Variants in WAC observed in about 807,000 individuals in gnomAD.
The protein encoded by WAC is WW domain-containing adapter protein with coiled-coil.
Under a neutral mutation model 79.6 loss-of-function variants are expected in WAC, and 11 were observed. The observed-to-expected ratio is 0.14, with a 90% CI of 0.09 to 0.23. The LOEUF is 0.23. Among genes scored for constraint, WAC ranks in the 10% least tolerant of loss-of-function variants. The pLI is 1.00. For synonymous variants in WAC, 304 were observed against 276.9 expected (o/e 1.10, Z -0.97); for missense variants, 728 against 773.5 (o/e 0.94, Z 0.70).
chr10:28,608,548 CT>C, intron 8 of WAC, 117 bp downstream of exon 8: 35 of 1,158,682 alleles, frequency 3.0e-5, no homozygotes, highest in Non-Finnish European at 3.8e-5. Flanking sequence ...TAGTTGAACA[CT>C]TTTTTTTGTT....
At chr10:28,602,573 G>A (rs1840695860) in intron 7 of WAC, among the ~76,000 whole-genome samples, 1 of 152,110 alleles carries the variant, frequency 6.6e-6, no homozygotes, top group Non-Finnish European at 1.5e-5. Context: ...GTCCTGCTCA[G>A]TATTACAGCA....
intron 6 of WAC, among the ~76,000 whole-genome samples, chr10:28,594,528 G>A (rs1840255165): frequency 6.6e-6 from 1 of 152,142 alleles, no homozygotes; most frequent in Non-Finnish European, 1.5e-5. Flanking sequence ...TATGTAGTAA[G>A]TCATTGTCAG....
rs1283126329 is a variant in WAC, at chr10:28,533,485, TGCCCGCC to T, written c.-84_-78del. On this transcript the variant is annotated 5_prime_UTR_variant, in exon 1 of 14. Coordinates refer to ENST00000354911, the MANE Select transcript of WAC (RefSeq NM_016628.5). ...GCGCGCCGGGCCCAGGTGCCGGGGC[TGCCCGCC>T]GCCCGCCGCCGCCGCCGCCTGCGCG... 6.5e-6 allele frequency: 5 copies of T among 768,480 alleles called. No homozygotes were observed. Among genetic ancestry groups the T allele is most frequent in the Middle Eastern group, 5.1e-4 (1 of 1,968 alleles). The allele number at this position is 768,480 out of a possible 1,614,324, so 47.6% of individuals were successfully genotyped here.
intron 3 of WAC, among the ~76,000 whole-genome samples, chr10:28,558,692 G>A (rs991740782): frequency 2.0e-5 from 3 of 152,158 alleles, no homozygotes; most frequent in African/African-American, 7.2e-5. Flanking sequence ...ATGAAAGCAA[G>A]TAAAATAATA....
chr10:28,588,574 GTTAAAA>G (rs1240256491), intron 4 of WAC, among the ~76,000 whole-genome samples: 3 of 152,106 alleles, frequency 2.0e-5, no homozygotes, highest in Non-Finnish European at 1.5e-5. Context: ...TTTCCTAGTT[GTTAAAA>G]TTAAAGCTGG....
At position 28,590,182 on chromosome 10, in the gene WAC, A is replaced by G. The variant is rs115360645; in HGVS notation, c.497+331A>G. On this transcript the variant is annotated intron_variant, in intron 5 of 13. Transcript: ENST00000354911. ...CAAAAAGTTAGCTGTGAGTGGTAGC[A>G]TGCACTTGTAGTCCTAGCTACTAAG... Among the ~76,000 whole-genome samples, 1,013 of 152,146 alleles carry G rather than the reference A, an allele frequency of 6.7e-3. 10 individuals are homozygous for G. Among genetic ancestry groups the G allele is most frequent in the African/African-American group, 0.024 (981 of 41,488 alleles).
intron 2 of WAC, among the ~76,000 whole-genome samples, chr10:28,535,028 C>T (rs192968861): frequency 1.5e-3 from 224 of 151,650 alleles, no homozygotes; most frequent in African/African-American, 5.2e-3. Flanking sequence ...ATTTTTATAC[C>T]TTAAAATTGT....
rs1841675511 is a variant in WAC at position 28,621,165 on chromosome 10, T to C, written c.*1559T>C. 6.7e-6 allele frequency: 1 copy of C among 149,242 alleles called. No individual in the cohort carries two copies. The highest frequency in any genetic ancestry group is 2.1e-4 in the South Asian group (1 of 4,700). The allele number at this position is 149,242 out of a possible 1,614,324, so 9.2% of individuals were successfully genotyped here. ...TTGCCATCTGATTTAGAAAGGTGTT[T>C]CTTCTTCTTCTTCTTTTTTTTCTTT... On this transcript the variant is annotated 3_prime_UTR_variant, in exon 14 of 14. Coordinates refer to ENST00000354911, the MANE Select transcript of WAC (RefSeq NM_016628.5).
chr10:28,545,005 C>T (rs1332662243), intron 3 of WAC, among the ~76,000 whole-genome samples: 1 of 145,704 alleles, frequency 6.9e-6, no homozygotes, highest in African/African-American at 2.6e-5. Context: ...TGCACCACTG[C>T]ACTCCAGCCT....
At chr10:28,598,882 C>CG (rs1840506635) in intron 7 of WAC, among the ~76,000 whole-genome samples, 1 of 152,194 alleles carries the variant, frequency 6.6e-6, no homozygotes, top group Non-Finnish European at 1.5e-5. Context: ...GGAAGAAACT[C>CG]GATTACCTAC....
chr10:28,542,879 GTA>G (rs746863292), intron 3 of WAC, among the ~76,000 whole-genome samples: 2 of 152,204 alleles, frequency 1.3e-5, no homozygotes, highest in Non-Finnish European at 2.9e-5. Context: ...AGAACTGACT[GTA>G]TTTTAGTTTT....
chr10:28,616,043 T>C, intron 11 of WAC, 130 bp from the exon 12 acceptor site: 1 of 737,422 alleles, frequency 1.4e-6, no homozygotes, highest in South Asian at 2.8e-5. Context: ...TATTTGACAT[T>C]AAAATAACAA....
At chr10:28,579,156 T>C (rs1839402234) in intron 3 of WAC, among the ~76,000 whole-genome samples, 1 of 151,906 alleles carries the variant, frequency 6.6e-6, no homozygotes, top group African/African-American at 2.4e-5. Flanking sequence ...ACTGATACAG[T>C]ATTTCTTGGG....
At chr10:28,565,464 C>A (rs1838550424) in intron 3 of WAC, among the ~76,000 whole-genome samples, 1 of 152,188 alleles carries the variant, frequency 6.6e-6, no homozygotes, top group South Asian at 2.1e-4. Context: ...CCTGGAACTC[C>A]TGGGCTCAAG....
At chr10:28,602,910 A>G (rs1342421412) in intron 7 of WAC, among the ~76,000 whole-genome samples, 2 of 152,236 alleles carry the variant, frequency 1.3e-5, no homozygotes, top group Non-Finnish European at 2.9e-5. Flanking sequence ...TGTCTCTTAA[A>G]TACATAGAAT....
At chr10:28,554,372 C>G (rs904451083) in intron 3 of WAC, among the ~76,000 whole-genome samples, 3 of 152,128 alleles carry the variant, frequency 2.0e-5, no homozygotes, top group African/African-American at 4.8e-5. Context: ...ATGCAGATAT[C>G]TAGAATCAGT....
chr10:28,541,362 A>T (rs1429018445), intron 3 of WAC, among the ~76,000 whole-genome samples: 2 of 141,928 alleles, frequency 1.4e-5, no homozygotes, highest in African/African-American at 5.3e-5. Flanking sequence ...GATATAACTC[A>T]TTGTCAATTT....
At chr10:28,533,727 T>C in intron 1 of WAC, 107 bp downstream of exon 1, 3 of 1,288,250 alleles carry the variant, frequency 2.3e-6, no homozygotes, top group Non-Finnish European at 3.2e-6. Flanking sequence ...TTGTTAACCC[T>C]GATCCGGATC....
chr10:28,545,562 C>T (rs1837306755), intron 3 of WAC, among the ~76,000 whole-genome samples: 1 of 152,112 alleles, frequency 6.6e-6, no homozygotes, highest in South Asian at 2.1e-4. Flanking sequence ...AGGGAGAGTA[C>T]ACAGAAGGGA....
Sources: gnomAD v4.1 joint callset for allele counts (sites outside exome capture counted in the v4.1 genomes callset) on GRCh38, gnomAD v4.1.1 for gene constraint, MANE v1.5 for transcripts, NCBI Gene and HGNC (gene_info 2026-07-23, HGNC 2026-07-21) for gene names.